Variants in ARNT2 observed in about 807,000 individuals in gnomAD.
The protein encoded by ARNT2 is aryl hydrocarbon receptor nuclear translocator 2, also known as ARNT protein 2.
A neutral mutation model predicts 91.7 loss-of-function variants in ARNT2; 36 were observed. That is an observed-to-expected ratio of 0.39 (90% CI 0.30 to 0.52). The LOEUF (loss-of-function observed/expected upper bound fraction) is 0.52, where lower values mean the gene tolerates loss of function less well. Ranked by LOEUF, ARNT2 falls within the 20% of genes least tolerant of loss-of-function variation. The pLI, the probability that ARNT2 is intolerant of heterozygous loss-of-function variation, is 0.72. For synonymous variants in ARNT2, 365 were observed against 347.1 expected, an observed-to-expected ratio of 1.05 and a Z score of -0.57; for missense variants, 775 against 939.3, an observed-to-expected ratio of 0.83 and a Z score of 2.29.
At chr15:80,569,233 G>A (rs977212540) in intron 12 of ARNT2, among the ~76,000 whole-genome samples, 9 of 152,154 alleles carry the variant, frequency 5.9e-5, no homozygotes, top group Non-Finnish European at 1.0e-4. Context: ...AAAATTGACA[G>A]CATCTGCCCG....
intron 1 of ARNT2, among the ~76,000 whole-genome samples, chr15:80,449,019 A>AAAAG (rs1567182390): frequency 1.1e-4 from 16 of 151,910 alleles, no homozygotes; most frequent in East Asian, 1.9e-4. Context: ...AAAACAAAAA[A>AAAAG]CCAAAACTTG....
At chr15:80,581,105 C>A in intron 16 of ARNT2, 134 bp from the exon 17 acceptor site, 3 of 1,106,386 alleles carry the variant, frequency 2.7e-6, no homozygotes, top group Middle Eastern at 2.1e-4. Context: ...CTGTGCCTAG[C>A]CAGACAAGAG....
chr15:80,559,385 C>G (rs1898276917), intron 11 of ARNT2, among the ~76,000 whole-genome samples: 1 of 152,206 alleles, frequency 6.6e-6, no homozygotes, highest in Admixed American at 6.5e-5. Flanking sequence ...CAAGCAGCCA[C>G]AGGGACATCC....
At chr15:80,518,277 CTT>C (rs56726705) in intron 8 of ARNT2, among the ~76,000 whole-genome samples, 2 of 89,352 alleles carry the variant, frequency 2.2e-5, no homozygotes, top group Admixed American at 1.5e-4. Context: ...TTTTTCTATT[CTT>C]TTTTTTTTTT....
chr15:80,559,489 GCTT>G (rs1418547177), intron 11 of ARNT2, among the ~76,000 whole-genome samples: 3 of 152,220 alleles, frequency 2.0e-5, no homozygotes, highest in Admixed American at 6.5e-5. Context: ...AAGGGAAGTG[GCTT>G]CTTCTTGCAG....
chr15:80,531,610 C>G (rs1165636736), intron 8 of ARNT2, among the ~76,000 whole-genome samples: 1 of 152,226 alleles, frequency 6.6e-6, no homozygotes, highest in Non-Finnish European at 1.5e-5. Flanking sequence ...GCAGAGTGTT[C>G]TTTTCTCCGT....
At position 80,593,589 on chromosome 15, in the gene ARNT2, C is replaced by A; in HGVS notation, c.2056-11C>A. 6.3e-7 allele frequency: 1 copy of A among 1,577,862 alleles called. No homozygotes were observed. Among genetic ancestry groups the A allele is most frequent in the Non-Finnish European group, 8.6e-7 (1 of 1,158,960 alleles). On this transcript the variant is annotated splice_polypyrimidine_tract_variant and intron_variant, in intron 18 of 18. Transcript: ENST00000303329. ...GACTCCCCTGTGGCTCTCTTTTCCT[C>A]TCCTCTGCAGGACATGCTGCCCATG...
In ARNT2 at chr15:80,484,828, AGGGGTGT is replaced by A. The variant is rs1184475836; in HGVS notation, c.622+9606_622+9612del. Among the ~76,000 whole-genome samples, 3 of 152,234 alleles carry A rather than the reference AGGGGTGT, an allele frequency of 2.0e-5. No homozygotes were observed. In the East Asian group the frequency reaches 5.8e-4, roughly 29 times the overall value. On this transcript the variant is annotated intron_variant, in intron 5 of 18. Transcript: ENST00000303329. The stretch of plus-strand genomic sequence containing the variant: ...GTGGTGGGGATGGGGGGCGGTGCAT[AGGGGTGT>A]AGGGAGGCAGCGGGGGAGTGGAAGA...
intron 1 of ARNT2, among the ~76,000 whole-genome samples, chr15:80,419,255 G>GT (rs1216127207): frequency 6.6e-6 from 1 of 152,216 alleles, no homozygotes; most frequent in Non-Finnish European, 1.5e-5. Flanking sequence ...TTTCTAACAA[G>GT]TTCCAGTGAT....
chr15:80,531,022 C>A (rs550646598), intron 8 of ARNT2, among the ~76,000 whole-genome samples: 6 of 152,214 alleles, frequency 3.9e-5, no homozygotes, highest in African/African-American at 9.6e-5. Context: ...GCCAAAGAAG[C>A]TTTTTTTGCC....
rs745680486 is a variant in ARNT2, at chr15:80,580,601, C to T, written c.1752+52C>T. 2.5e-6 allele frequency: 4 copies of T among 1,610,376 alleles called. No homozygotes were observed. The South Asian group carries it at 3.3e-5, about 13-fold the overall frequency. ...CCTGGGTGACCAGAGAGGCAGAGCACTCTGGGAAGTGTTTTCTTTGGATTG... is the reference window on the plus strand; with the variant it reads ...CCTGGGTGACCAGAGAGGCAGAGCATTCTGGGAAGTGTTTTCTTTGGATTG... On this transcript the variant is annotated intron_variant, in intron 16 of 18. Coordinates refer to ENST00000303329, the MANE Select transcript of ARNT2 (RefSeq NM_014862.4).
chr15:80,593,494 T>G, intron 18 of ARNT2, 106 bp from the exon 19 acceptor site: 11 of 872,212 alleles, frequency 1.3e-5, no homozygotes, highest in Admixed American at 2.3e-5. Flanking sequence ...GGCTGCCCCT[T>G]TAGGGATGGC....
In ARNT2 at chr15:80,563,180, A is replaced by T. The variant is rs370619205; in HGVS notation, c.1257A>T (p.Thr419=). The change falls in exon 12 of 19, where the codon ACA becomes ACT. Residue 419 remains threonine (T), a synonymous_variant. Coordinates refer to ENST00000303329, the MANE Select transcript of ARNT2 (RefSeq NM_014862.4). ...EWMLIRTSSF[T]FQNPYSDEIE... ...TGTTGATCCGCACCAGCAGCTTCAC[A>T]TTCCAGAATCCCTATTCTGATGAGA... The T allele has an allele frequency of 1.7e-5, 28 of 1,614,036 alleles. No individual in the cohort carries two copies. The highest frequency in any genetic ancestry group is 2.4e-5 in the Non-Finnish European group (28 of 1,180,040).
chr15:80,571,931 G>A (rs1247428374), intron 12 of ARNT2, among the ~76,000 whole-genome samples: 1 of 152,038 alleles, frequency 6.6e-6, no homozygotes, highest in Non-Finnish European at 1.5e-5. Flanking sequence ...TTAATATGGG[G>A]GTGAAGTAAC....
chr15:80,423,541 A>G (rs1025408941), intron 1 of ARNT2, among the ~76,000 whole-genome samples: 3 of 152,230 alleles, frequency 2.0e-5, no homozygotes, highest in African/African-American at 7.2e-5. Flanking sequence ...AGGTTGAGCT[A>G]TATGTATCTT....
chr15:80,477,045 CTT>C (rs1055486599), intron 5 of ARNT2, among the ~76,000 whole-genome samples: 2 of 152,200 alleles, frequency 1.3e-5, no homozygotes, highest in African/African-American at 4.8e-5. Flanking sequence ...CACTCTCTCT[CTT>C]AAGAGTTCCT....
chr15:80,407,186 G>A (rs987319197), intron 1 of ARNT2, among the ~76,000 whole-genome samples: 7 of 152,166 alleles, frequency 4.6e-5, no homozygotes, highest in Admixed American at 3.9e-4. Flanking sequence ...CTGCTAGTTC[G>A]TGTCCAGGGT....
intron 5 of ARNT2, 58 bp downstream of exon 5, chr15:80,475,281 A>G (rs1595978906): frequency 1.9e-6 from 3 of 1,575,056 alleles, no homozygotes; most frequent in Non-Finnish European, 2.6e-6. Context: ...TTGGCTGGGC[A>G]TGGTGGCTCA....
At chr15:80,458,061 GT>G in intron 3 of ARNT2, 85 bp downstream of exon 3, 5 of 1,455,794 alleles carry the variant, frequency 3.4e-6, no homozygotes, top group African/African-American at 1.4e-5. Context: ...AACGTCTTTT[GT>G]CATTGCAAAA....
Sources: gnomAD v4.1 joint callset for allele counts (sites outside exome capture counted in the v4.1 genomes callset) on GRCh38, gnomAD v4.1.1 for gene constraint, MANE v1.5 for transcripts, NCBI Gene and HGNC (gene_info 2026-07-23, HGNC 2026-07-21) for gene names.